PIEZO2: variants seen among roughly 807,000 people sequenced by gnomAD.
PIEZO2 encodes the protein piezo type mechanosensitive ion channel component 2.
In PIEZO2, 172 loss-of-function variants were observed where a neutral mutation model predicts 337.3. The observed-to-expected ratio is 0.51, with a 90% CI of 0.45 to 0.58. PIEZO2 has a LOEUF of 0.58. PIEZO2 is among the 20% of genes least tolerant of loss of function. The pLI is 0.00. For synonymous variants in PIEZO2, 1,251 were observed against 1,228.5 expected (o/e 1.02, Z -0.38); for missense variants, 3,028 against 3,391.3 (o/e 0.89, Z 2.66).
chr18:10,993,857 T>A lies in PIEZO2; in HGVS notation c.161-14197A>T, dbSNP rs567885181. Among the ~76,000 whole-genome samples the A allele has an allele frequency of 1.6e-4, 24 of 152,276 alleles. No individual in the cohort carries two copies. Among genetic ancestry groups the A allele is most frequent in the Admixed American group, 1.3e-3 (20 of 15,290 alleles). On this transcript the variant is annotated intron_variant, in intron 2 of 55. Coordinates refer to ENST00000674853, the MANE Select transcript of PIEZO2 (RefSeq NM_001378183.1). This position sits in a 1 kb window ranked among gnomAD's most constrained non-coding sequence, Gnocchi z 5.0. ...TCTGCTTTTTTTTTATTATTAATTT[T>A]AAAATTTTTCATTTCCATAGGTTTT...
chr18:10,707,979 C>T lies in PIEZO2; in HGVS notation c.5588+296G>A, dbSNP rs937359716. Among the ~76,000 whole-genome samples, 2 of 152,046 alleles carry T rather than the reference C, an allele frequency of 1.3e-5. No individual in the cohort carries two copies. The highest frequency in any genetic ancestry group is 2.4e-5 in the African/African-American group (1 of 41,388). ...AATTATGGAGGAAACATGCTTATGT[C>T]TCTGAAAATGGAAAGTTTGAAATAC... On this transcript the variant is annotated intron_variant, in intron 40 of 55. Coordinates refer to ENST00000674853, the MANE Select transcript of PIEZO2 (RefSeq NM_001378183.1). This position sits in a 1 kb window ranked among gnomAD's most constrained non-coding sequence, Gnocchi z 4.2.
chr18:11,104,626 G>A lies in PIEZO2; in HGVS notation c.65-38404C>T, dbSNP rs1358864609. ...TTCTCTTCTCCCCGTGTCACAAGGT[G>A]GGCAGTGCCCAGGGACAGCAGCTTT... On this transcript the variant is annotated intron_variant, in intron 1 of 55. Coordinates refer to ENST00000674853, the MANE Select transcript of PIEZO2 (RefSeq NM_001378183.1). This position sits in a 1 kb window ranked among gnomAD's most constrained non-coding sequence, Gnocchi z 4.6. Among the ~76,000 whole-genome samples, 2 of 152,242 alleles carry A rather than the reference G, an allele frequency of 1.3e-5. No individual in the cohort carries two copies. The highest frequency in any genetic ancestry group is 2.4e-5 in the African/African-American group (1 of 41,468).
At position 11,080,642 on chromosome 18, in the gene PIEZO2, A is replaced by G. The variant is rs1247219320; in HGVS notation, c.65-14420T>C. Among the ~76,000 whole-genome samples the G allele has an allele frequency of 6.6e-6, 1 of 152,168 alleles. No individual in the cohort carries two copies. Among genetic ancestry groups the G allele is most frequent in the South Asian group, 2.1e-4 (1 of 4,824 alleles). On this transcript the variant is annotated intron_variant, in intron 1 of 55. Coordinates refer to ENST00000674853, the MANE Select transcript of PIEZO2 (RefSeq NM_001378183.1). The surrounding 1 kb of genome is among the most constrained non-coding windows in gnomAD (Gnocchi z 5.4). Reference sequence around the variant, plus strand: ...GGGCAGATCATGAGGTCAGGAGATCAAGACTATCCTGGCCAACACGGTGAA... The same window carrying G: ...GGGCAGATCATGAGGTCAGGAGATCGAGACTATCCTGGCCAACACGGTGAA...
Position 10,672,901 on chromosome 18 carries a change from T to C in PIEZO2, c.8162-28A>G, listed in dbSNP as rs761958837. On this transcript the variant is annotated intron_variant, in intron 54 of 55. Transcript: ENST00000674853. The surrounding 1 kb of genome is among the most constrained non-coding windows in gnomAD (Gnocchi z 4.7). ...AGAAGGGTAGAAATGCAAAATTAAG[T>C]TGACATGAGAATTTTAGGATTTCAT... 1.3e-6 allele frequency: 2 copies of C among 1,554,194 alleles called. No individual in the cohort carries two copies. The highest frequency in any genetic ancestry group is 1.8e-6 in the Non-Finnish European group (2 of 1,140,556).
Position 10,731,457 on chromosome 18 carries a change from T to G in PIEZO2, c.4979A>C (p.Lys1660Thr). The G allele has an allele frequency of 6.5e-7, 1 of 1,535,972 alleles. No homozygotes were observed. Among genetic ancestry groups the G allele is most frequent in the South Asian group, 1.2e-5 (1 of 83,924 alleles). The change falls in exon 36 of 56, where the codon AAA (lysine) becomes ACA (threonine). Residue 1660 changes from lysine to threonine, a missense_variant. Around this residue, in one of 5 missense-constraint regions of PIEZO2, gnomAD observed 1,925 missense variants for 2,051.9 expected, o/e 0.94. Coordinates refer to ENST00000674853, the MANE Select transcript of PIEZO2 (RefSeq NM_001378183.1). ...TALRQRHKEK[K>T]RSAREERKRR... is the part of the protein sequence containing the mutation. ...TTTCCGTTCTTCTCTTGCAGACCTT[T>G]TTTTCTCTTTGTGTCTTTGTCGGAG...
intron 11 of PIEZO2, among the ~76,000 whole-genome samples, chr18:10,798,207 A>G (rs545152368): frequency 6.6e-6 from 1 of 152,370 alleles, no homozygotes; most frequent in African/African-American, 2.4e-5. Context: ...AGTGATGGCC[A>G]GGTTCCTGGT....
At position 10,824,743 on chromosome 18, in the gene PIEZO2, C is replaced by T. The variant is rs1322827862; in HGVS notation, c.918-17469G>A. On this transcript the variant is annotated intron_variant, in intron 7 of 55. Transcript: ENST00000674853. The surrounding 1 kb of genome is among the most constrained non-coding windows in gnomAD (Gnocchi z 4.4). ...GAGAATTCTCTATACCCATTTTCCT[C>T]GACTGTTAAATCTTACATTAGTATG... 3.9e-5 allele frequency among the ~76,000 whole-genome samples: 6 copies of T among 152,058 alleles called. No homozygotes were observed. The highest frequency in any genetic ancestry group is 1.2e-4 in the African/African-American group (5 of 41,398).
intron 3 of PIEZO2, among the ~76,000 whole-genome samples, chr18:10,970,660 T>TCTCTCA (rs1254875088): frequency 7.3e-6 from 1 of 137,434 alleles, no homozygotes; most frequent in Non-Finnish European, 1.6e-5. Flanking sequence ...AAAAGATGTT[T>TCTCTCA]CACACACACA....
intron 7 of PIEZO2, among the ~76,000 whole-genome samples, chr18:10,808,971 A>T (rs1918673): frequency 0.44 from 67,348 of 152,016 alleles, 15,305 homozygotes; most frequent in East Asian, 0.58. Flanking sequence ...GTTTTGTCCC[A>T]TACAGAATTT....
intron 18 of PIEZO2, among the ~76,000 whole-genome samples, chr18:10,778,625 C>A (rs2038873844): frequency 6.6e-6 from 1 of 152,020 alleles, no homozygotes; most frequent in Non-Finnish European, 1.5e-5. Flanking sequence ...AGCCACCACA[C>A]CCGGCCTCTG....
At chr18:10,849,718 AACT>A (rs1304024162) in intron 7 of PIEZO2, among the ~76,000 whole-genome samples, 1 of 152,212 alleles carries the variant, frequency 6.6e-6, no homozygotes, top group Non-Finnish European at 1.5e-5. Flanking sequence ...CTGTCTTGCA[AACT>A]GTAGTGTTTG....
At chr18:10,951,197 CT>C (rs2033279399) in intron 3 of PIEZO2, among the ~76,000 whole-genome samples, 1 of 152,206 alleles carries the variant, frequency 6.6e-6, no homozygotes, top group Admixed American at 6.5e-5. Flanking sequence ...AGCTTTCCAG[CT>C]TTCCAAAACT....
intron 1 of PIEZO2, among the ~76,000 whole-genome samples, chr18:11,123,606 A>C (rs1330511200): frequency 6.6e-6 from 1 of 152,144 alleles, no homozygotes; most frequent in Non-Finnish European, 1.5e-5. Flanking sequence ...CAGGAGATTG[A>C]GACCATCCTG....
intron 3 of PIEZO2, among the ~76,000 whole-genome samples, chr18:10,950,467 A>G (rs950281356): frequency 5.9e-5 from 9 of 152,240 alleles, no homozygotes; most frequent in African/African-American, 2.2e-4. Flanking sequence ...GCAAAAACTA[A>G]GGCATGATAC....
At chr18:11,063,505 A>G (rs1433250596) in intron 2 of PIEZO2, among the ~76,000 whole-genome samples, 3 of 152,212 alleles carry the variant, frequency 2.0e-5, no homozygotes, top group Non-Finnish European at 4.4e-5. Context: ...TATTCTCCAC[A>G]TCCTGGGCAC....
rs962036889 is a variant in PIEZO2 at position 11,016,567 on chromosome 18, G to A, written c.161-36907C>T. ...AATTAGTTCATCAAAAGTAAGTAAC[G>A]AGTTACTCATTTAAACAAGTGATAA... On this transcript the variant is annotated intron_variant, in intron 2 of 55. Transcript: ENST00000674853. The surrounding 1 kb of genome is among the most constrained non-coding windows in gnomAD (Gnocchi z 5.6). 3.7e-4 allele frequency among the ~76,000 whole-genome samples: 57 copies of A among 152,238 alleles called. No homozygotes were observed. Among genetic ancestry groups the A allele is most frequent in the African/African-American group, 1.3e-3 (55 of 41,552 alleles).
At position 10,792,529 on chromosome 18, in the gene PIEZO2, T is replaced by C. The variant is rs113143371; in HGVS notation, c.1759-1205A>G. 6.6e-5 allele frequency among the ~76,000 whole-genome samples: 10 copies of C among 152,360 alleles called. 3 individuals carry two copies. The highest frequency in any genetic ancestry group is 2.2e-4 in the African/African-American group (9 of 41,592). ...ATTTTATATGAATGAAATTATATAA[T>C]ATGTAGCCTTTCATAAATGGATTGT... On this transcript the variant is annotated intron_variant, in intron 13 of 55. Transcript: ENST00000674853.
intron 3 of PIEZO2, among the ~76,000 whole-genome samples, chr18:10,912,572 C>T (rs891096380): frequency 1.3e-5 from 2 of 152,204 alleles, no homozygotes; most frequent in East Asian, 3.8e-4. Context: ...AGCTACCTGG[C>T]TTCTTTTCCT....
In PIEZO2 at chr18:10,871,406, T is replaced by A. The variant is rs1395828313; in HGVS notation, c.339A>T (p.Gly113=). The change falls in exon 5 of 56, where the codon GGA becomes GGT. Residue 113 remains glycine, a synonymous_variant. Transcript: ENST00000674853. The part of the protein sequence containing the change: ...FRQIGFESLK[G]ADAGNGIRVF... ...CTCTGATCCCATTGCCAGCATCAGC[T>A]CCCTTTAAGCTATAAAGGAAAAACA... 1 of 1,536,546 alleles carries A rather than the reference T, an allele frequency of 6.5e-7. No individual in the cohort carries two copies. The highest frequency in any genetic ancestry group is 1.4e-5 in the African/African-American group (1 of 73,112).
Sources: gnomAD v4.1 joint callset for allele counts (sites outside exome capture counted in the v4.1 genomes callset) on GRCh38, gnomAD v4.1.1 for gene constraint, gnomAD v4.1.1 regional missense constraint, Gnocchi (gnomAD v3.1) non-coding constraint, MANE v1.5 for transcripts, NCBI Gene and HGNC (gene_info 2026-07-23, HGNC 2026-07-21) for gene names.